Variants in CAPN12 observed in about 807,000 individuals in gnomAD.
CAPN12 encodes the protein calpain-12.
Under a neutral mutation model 95.0 loss-of-function variants are expected in CAPN12, and 107 were observed. The observed-to-expected ratio is 1.13, with a 90% CI of 0.96 to 1.32. The LOEUF (loss-of-function observed/expected upper bound fraction) is 1.32. Among genes scored for constraint, CAPN12 ranks in the 40% most tolerant of loss-of-function variants. The pLI is 0.00. For missense variants in CAPN12, 1,136 were observed against 997.8 expected (o/e 1.14, Z -1.87); for synonymous variants, 505 against 415.5 (o/e 1.22, Z -2.62).
Position 38,744,324 on chromosome 19 carries a change from C to T in CAPN12, c.-159G>A, listed in dbSNP as rs1018706447. 37 of 703,554 alleles carry T rather than the reference C, an allele frequency of 5.3e-5. No individual in the cohort carries two copies. Among genetic ancestry groups the T allele is most frequent in the South Asian group, 4.3e-4 (24 of 55,950 alleles). 43.6% of individuals were successfully genotyped at this position (703,554 alleles called of 1,614,324 possible). ...GGTTTGGGGTGCTGGGGAGCAGGGACGCCTCTTCAGTAGCTTTCTTCCCAG... is the reference window on the plus strand; with the variant it reads ...GGTTTGGGGTGCTGGGGAGCAGGGATGCCTCTTCAGTAGCTTTCTTCCCAG... On this transcript the variant is annotated 5_prime_UTR_variant, in exon 1 of 21. Transcript: ENST00000328867.
At chr19:38,736,914 T>TAGCCCCCTACTCCCCTCCC (rs770729834) in intron 10 of CAPN12, 1 of 158,108 alleles carries the variant, frequency 6.3e-6, no homozygotes, top group African/African-American at 6.9e-5. Context: ...CCAGCCCTAC[T>TAGCCCCCTACTCCCCTCCC]AGCCCCCTAC....
At chr19:38,738,880 C>T (rs1269805427) in intron 5 of CAPN12, 1 of 571,020 alleles carries the variant, frequency 1.8e-6, no homozygotes, top group African/African-American at 1.9e-5. Flanking sequence ...GCCTGTAATC[C>T]CAGCACTTAG....
Position 38,738,487 on chromosome 19 carries a change from G to A in CAPN12, c.821C>T (p.Thr274Ile). 1 of 1,612,116 alleles carries A rather than the reference G, an allele frequency of 6.2e-7. No homozygotes were observed. The highest frequency in any genetic ancestry group is 8.5e-7 in the Non-Finnish European group (1 of 1,179,022). Reference protein sequence around the residue: ...TGTHKVFLGFTKVRLLRLRNP... With the variant: ...TGTHKVFLGFIKVRLLRLRNP... ...CCGCAGCCGCAGCAGCCGCACCTTG[G>A]TGAAGCCCAGGAACACCTGGGGCAG... is the stretch of plus-strand genomic sequence containing the variant. The change falls in exon 7 of 21, where the codon ACC becomes ATC. Residue 274 changes from threonine to isoleucine, a missense_variant. By Grantham distance (89) the Thr-to-Ile change is moderately conservative. Transcript: ENST00000328867.
intron 18 of CAPN12, chr19:38,733,463 T>A: frequency 1.8e-5 from 9 of 503,176 alleles, no homozygotes; most frequent in East Asian, 3.2e-5. Context: ...CCAGAACCCC[T>A]ACCAGGCACA....
intron 8 of CAPN12, 87 bp downstream of exon 8, chr19:38,738,186 G>T: frequency 1.5e-6 from 2 of 1,363,044 alleles, no homozygotes; most frequent in East Asian, 2.4e-5. Context: ...TCCCTATTAG[G>T]ACCCATCCTT....
intron 15 of CAPN12, 184 bp downstream of exon 15, chr19:38,734,629 C>CCGTGGCCCAGGTCA (rs1185901090): frequency 1.5e-6 from 1 of 657,712 alleles, no homozygotes; most frequent in Non-Finnish European, 2.6e-6. Context: ...TTGCGAGCAG[C>CCGTGGCCCAGGTCA]CGTGGCCCAG....
In CAPN12 at chr19:38,737,589, A is replaced by G; in HGVS notation, c.1015T>C (p.Ser339Pro). 6.2e-7 allele frequency: 1 copy of G among 1,612,022 alleles called. No homozygotes were observed. The highest frequency in any genetic ancestry group is 8.5e-7 in the Non-Finnish European group (1 of 1,179,682). ...LLHFDTVQIC[S>P]LSPEVLGPSP... ...GGGCCCAGCACCTCCGGGCTCAGCG[A>G]GCAGATCTGCACGGTGTCGAAATGG... The change falls in exon 9 of 21, where the codon TCG becomes CCG. Residue 339 changes from serine to proline, a missense_variant. Physicochemically the swap from Ser to Pro is moderately conservative, Grantham distance 74. Transcript: ENST00000328867.
intron 15 of CAPN12, 169 bp from the exon 16 acceptor site, chr19:38,734,558 T>G: frequency 1.5e-6 from 1 of 687,050 alleles, no homozygotes; most frequent in Non-Finnish European, 2.4e-6. Flanking sequence ...GGGATTCAAA[T>G]CCAGGCAGGG....
intron 18 of CAPN12, chr19:38,733,112 T>C: frequency 6.6e-6 from 1 of 151,998 alleles, no homozygotes; most frequent in Non-Finnish European, 1.5e-5. Context: ...GCTTTTTTTT[T>C]TTTTTTTTGA....
Position 38,744,130 on chromosome 19 carries a change from G to C in CAPN12, c.36C>G (p.Leu12=). Residue 12 remains leucine, a synonymous_variant, in exon 1 of 21, where the codon CTC becomes CTG. Coordinates refer to ENST00000328867, the MANE Select transcript of CAPN12 (RefSeq NM_144691.4). ...ASSSGRVTIQ[L]VDEEAGVGAG... is the part of the protein sequence containing the mutation. ...CTCCGACCCCAGCCTCCTCATCCAC[G>C]AGCTGGATGGTGACCCTCCCACTGC... 1 of 1,614,050 alleles carries C rather than the reference G, an allele frequency of 6.2e-7. No individual in the cohort carries two copies. The highest frequency in any genetic ancestry group is 8.5e-7 in the Non-Finnish European group (1 of 1,180,026).
At position 38,730,766 on chromosome 19, in the gene CAPN12, AG is replaced by A. The variant is rs1969522446; in HGVS notation, c.*85del. The A allele has an allele frequency of 2.0e-6, 3 of 1,474,940 alleles. No individual in the cohort carries two copies. The African/African-American group carries it at 4.2e-5, about 21-fold the overall frequency. The allele number at this position is 1,474,940 out of a possible 1,614,324, so 91.4% of individuals were successfully genotyped here. On this transcript the variant is annotated 3_prime_UTR_variant, in exon 21 of 21. Transcript: ENST00000328867. ...CCCCAGACAGGTGGATGCCAGAGAGAGTGGCACCCATGCCAGGCAAGGCCTA... is the reference window on the plus strand; with the variant it reads ...CCCCAGACAGGTGGATGCCAGAGAGATGGCACCCATGCCAGGCAAGGCCTA...
rs1361780436 is a variant in CAPN12, at chr19:38,735,416, G to A, written c.1640C>T (p.Pro547Leu). 2.5e-6 allele frequency: 4 copies of A among 1,609,626 alleles called. No individual in the cohort carries two copies. The highest frequency in any genetic ancestry group is 1.3e-5 in the African/African-American group (1 of 74,730). Residue 547 changes from proline to leucine, a missense_variant, in exon 14 of 21, where the codon CCC becomes CTC. Coordinates refer to ENST00000328867, the MANE Select transcript of CAPN12 (RefSeq NM_144691.4). The stretch of plus-strand genomic sequence containing the variant: ...CAGCTGCTCCAACCCCAGCTCCAGG[G>A]GCAGGTAGGGGCCCTGCCGCATGGC... ...DLQSLQGPYL[P>L]LELGLEQLFQ...
At chr19:38,741,336 G>A (rs1304811439) in intron 4 of CAPN12, among the ~76,000 whole-genome samples, 3 of 152,124 alleles carry the variant, frequency 2.0e-5, no homozygotes, top group Non-Finnish European at 4.4e-5. Flanking sequence ...ACTTTGGGAG[G>A]CCAAGGAAGG....
At chr19:38,734,949 A>C in intron 14 of CAPN12, 79 bp from the exon 15 acceptor site, 2 of 1,371,686 alleles carry the variant, frequency 1.5e-6, no homozygotes, top group Non-Finnish European at 2.0e-6. Context: ...GGGACACGGC[A>C]GGGGCTGACA....
intron 3 of CAPN12, 34 bp downstream of exon 3, chr19:38,742,376 A>T (rs1446445228): frequency 2.1e-6 from 3 of 1,425,852 alleles, no homozygotes. Flanking sequence ...ACCATGGGGG[A>T]AACGGAGGCA....
intron 14 of CAPN12, 29 bp from the exon 15 acceptor site, chr19:38,734,899 C>T (rs767662586): frequency 5.6e-6 from 9 of 1,608,708 alleles, no homozygotes; most frequent in South Asian, 3.3e-5. Context: ...CTTGTGAGGC[C>T]ATTTACTCAT....
chr19:38,740,302 G>A, intron 4 of CAPN12, 83 bp from the exon 5 acceptor site: 1 of 1,340,642 alleles, frequency 7.5e-7, no homozygotes, highest in South Asian at 1.5e-5. Flanking sequence ...AGGGGCCTGT[G>A]TCTCAGGGTG....
chr19:38,736,296 G>T lies in CAPN12; in HGVS notation c.1397C>A (p.Pro466Gln). 1 of 1,440,978 alleles carries T rather than the reference G, an allele frequency of 6.9e-7. No homozygotes were observed. 89.3% of individuals were successfully genotyped at this position (1,440,978 alleles called of 1,614,324 possible). A position where few individuals can be genotyped will look rare whatever the true frequency, so the allele number is the denominator to read the frequency against. Residue 466 changes from proline (P) to glutamine (Q), a missense_variant, in exon 12 of 21, where the codon CCG (proline) becomes CAG (glutamine). Physicochemically the swap from Pro to Gln is moderately conservative, Grantham distance 76. Transcript: ENST00000328867. The stretch of plus-strand genomic sequence containing the variant: ...CCGGGGCAGGAGCGCATGGCTGCGC[G>T]GGGAATCCCAGAGGCCCAGCAGCTG... ...PEELLGLWDS[P>Q]RSHALLPRLL...
intron 18 of CAPN12, chr19:38,731,672 T>TA: frequency 9.9e-6 from 2 of 201,894 alleles, no homozygotes. Context: ...TGGAGGCTTT[T>TA]AAAAACCCAA....
Sources: allele counts gnomAD v4.1 joint callset (sites outside exome capture counted in the v4.1 genomes callset), GRCh38; gene constraint gnomAD v4.1.1; transcripts MANE v1.5; gene names NCBI Gene and HGNC (gene_info 2026-07-23, HGNC 2026-07-21).